Variants in JCAD observed in about 807,000 individuals in gnomAD.
JCAD encodes the protein junctional cadherin 5-associated protein.
Under a neutral mutation model 98.0 loss-of-function variants are expected in JCAD, and 40 were observed. That is an observed-to-expected ratio of 0.41 (90% CI 0.32 to 0.53). The LOEUF is 0.53. Among genes scored for constraint, JCAD ranks in the 20% least tolerant of loss-of-function variants. The pLI, the probability that JCAD is intolerant of heterozygous loss-of-function variation, is 0.31. For missense variants in JCAD, 1,705 were observed against 1,738.1 expected (o/e 0.98, Z 0.34); for synonymous variants, 691 against 682.3 (o/e 1.01, Z -0.20).
upstream of JCAD, chr10:30,059,674 G>A (rs1431059298): frequency 7.1e-6 from 1 of 140,968 alleles, no homozygotes; most frequent in African/African-American, 3.1e-5. The surrounding 1 kb of genome is among the most constrained non-coding windows in gnomAD (Gnocchi z 5.0). Context: ...GCGGTATCCA[G>A]GCCACGAGCT....
chr10:30,040,829 C>T (rs1282528569), intron 2 of JCAD, among the ~76,000 whole-genome samples: 3 of 152,072 alleles, frequency 2.0e-5, no homozygotes, highest in African/African-American at 4.8e-5. Flanking sequence ...GCGGCTGGAC[C>T]AGAAGACCCA....
chr10:30,085,774 C>G (rs771838757), intron 1 of JCAD, among the ~76,000 whole-genome samples: 1 of 152,184 alleles, frequency 6.6e-6, no homozygotes, highest in Non-Finnish European at 1.5e-5. Context: ...GACTTAGTTA[C>G]CTATTCTATT....
At chr10:30,019,894 G>A (rs1330952274) in intron 3 of JCAD, among the ~76,000 whole-genome samples, 3 of 149,544 alleles carry the variant, frequency 2.0e-5, no homozygotes, top group Non-Finnish European at 4.4e-5. Flanking sequence ...TTAAATATAT[G>A]CAATTTTTGT....
At chr10:30,109,872 G>C in intron 1 of JCAD, among the ~76,000 whole-genome samples, 1 of 151,608 alleles carries the variant, frequency 6.6e-6, no homozygotes, top group Non-Finnish European at 1.5e-5. Flanking sequence ...TTATGAACTA[G>C]CTGATCTAGA....
rs374182530 is a variant in JCAD at position 30,104,760 on chromosome 10, A to G, written n.128+10607T>C. ...GAAATTATTTGAAAATTAAAAACATATGCTTGTCAAAAGTTTTTTGTTTTT... is the reference window on the plus strand; with the variant it reads ...GAAATTATTTGAAAATTAAAAACATGTGCTTGTCAAAAGTTTTTTGTTTTT... On this transcript the variant is annotated intron_variant and non_coding_transcript_variant, in intron 1 of 2. Coordinates refer to the JCAD transcript ENST00000465712. Among the ~76,000 whole-genome samples the G allele has an allele frequency of 1.3e-4, 20 of 151,222 alleles. No homozygotes were observed. In the South Asian group the frequency reaches 3.9e-3, roughly 30 times the overall value.
At chr10:30,061,535 C>G (rs537579341), upstream of JCAD, among the ~76,000 whole-genome samples, 5 of 146,900 alleles carry the variant, frequency 3.4e-5, no homozygotes, top group South Asian at 2.1e-4. Flanking sequence ...GAGTGAGACT[C>G]TGTCTCAAGA....
At chr10:30,110,963 A>T (rs938773072) in intron 1 of JCAD, among the ~76,000 whole-genome samples, 1 of 152,024 alleles carries the variant, frequency 6.6e-6, no homozygotes, top group African/African-American at 2.4e-5. Context: ...GGACCCCCTG[A>T]TGTATGGACC....
At chr10:30,114,776 T>C (rs906579464) in intron 1 of JCAD, among the ~76,000 whole-genome samples, 4 of 151,772 alleles carry the variant, frequency 2.6e-5, no homozygotes, top group African/African-American at 4.8e-5. Flanking sequence ...GTTTAAAAAA[T>C]ATGAAAATAT....
Position 30,017,792 on chromosome 10 carries a change from C to G in JCAD, c.*91G>C. 2 of 1,196,722 alleles carry G rather than the reference C, an allele frequency of 1.7e-6. No individual in the cohort carries two copies. Among genetic ancestry groups the G allele is most frequent in the Non-Finnish European group, 2.5e-6 (2 of 803,726 alleles). The allele number at this position is 1,196,722 out of a possible 1,614,324, so 74.1% of individuals were successfully genotyped here. ...CTAAAAACTCAGCAGCTTCCAGCTT[C>G]TACATGGGGAAGTGGGGCTGATAGA... On this transcript the variant is annotated 3_prime_UTR_variant, in exon 4 of 4. Coordinates refer to ENST00000375377, the MANE Select transcript of JCAD (RefSeq NM_020848.4).
At chr10:30,036,052 T>C (rs1351814275) in intron 2 of JCAD, among the ~76,000 whole-genome samples, 1 of 152,202 alleles carries the variant, frequency 6.6e-6, no homozygotes, top group East Asian at 1.9e-4. Flanking sequence ...CAGCTAATTA[T>C]GAGAAAAATT....
intron 1 of JCAD, among the ~76,000 whole-genome samples, chr10:30,074,600 TG>T (rs1369918427): frequency 6.6e-6 from 1 of 152,096 alleles, no homozygotes; most frequent in Non-Finnish European, 1.5e-5. Flanking sequence ...GTGCTTTCAG[TG>T]TGGTAGGGCT....
At chr10:30,092,125 TAAA>T (rs775484783) in intron 1 of JCAD, among the ~76,000 whole-genome samples, 3 of 104,928 alleles carry the variant, frequency 2.9e-5, no homozygotes, top group Admixed American at 1.0e-4. Flanking sequence ...TATATATATA[TAAA>T]AAACATTTTA....
intron 2 of JCAD, 61 bp downstream of exon 2, chr10:30,047,471 A>C: frequency 6.5e-7 from 1 of 1,547,552 alleles, no homozygotes; most frequent in Non-Finnish European, 8.7e-7. Context: ...GTTTACCTAC[A>C]CATCACCCAC....
At chr10:30,056,794 A>G (rs1359739291) in intron 1 of JCAD, among the ~76,000 whole-genome samples, 16 of 152,206 alleles carry the variant, frequency 1.1e-4, no homozygotes, top group Admixed American at 1.0e-3. Flanking sequence ...CTTCAATTCA[A>G]ATCAAGATAA....
At position 30,029,710 on chromosome 10, in the gene JCAD, A is replaced by G; in HGVS notation, c.438T>C (p.Pro146=). 1 of 1,614,244 alleles carries G rather than the reference A, an allele frequency of 6.2e-7. No individual in the cohort carries two copies. The highest frequency in any genetic ancestry group is 2.2e-5 in the East Asian group (1 of 44,884). ...ARGMAQAHSL[P]VHVREGPWEV... ...CCCATGGACCCTCCCTCACGTGGAC[A>G]GGCAGGCTGTGGGCTTGGGCCATTC... is the stretch of plus-strand genomic sequence containing the variant. The change falls in exon 3 of 4, where the codon CCT becomes CCC. Residue 146 remains proline, a synonymous_variant. Coordinates refer to ENST00000375377, the MANE Select transcript of JCAD (RefSeq NM_020848.4).
rs1369682840 is a variant in JCAD, at chr10:30,026,739, C to T, written c.3409G>A (p.Val1137Ile). The change falls in exon 3 of 4, where the codon GTC (valine) becomes ATC (isoleucine). Residue 1137 changes from valine to isoleucine, a missense_variant. Around this residue, in one of 3 missense-constraint regions of JCAD, gnomAD observed 1,278 missense variants for 1,243.1 expected, o/e 1.03. Transcript: ENST00000375377. ...ELLSRPAPADVPRVSTDAFYG... is the reference protein window; with the variant it reads ...ELLSRPAPADIPRVSTDAFYG... ...AAGGCATCAGTGGACACCCTGGGGA[C>T]ATCTGCCGGTGCTGGGCGAGATAGC... 1 of 1,614,042 alleles carries T rather than the reference C, an allele frequency of 6.2e-7. No homozygotes were observed. Among genetic ancestry groups the T allele is most frequent in the African/African-American group, 1.3e-5 (1 of 74,946 alleles).
Position 30,035,198 on chromosome 10 carries a change from C to T in JCAD, c.282-5332G>A, listed in dbSNP as rs1589686183. 2.6e-5 allele frequency among the ~76,000 whole-genome samples: 4 copies of T among 152,330 alleles called. No homozygotes were observed. In the South Asian group the frequency reaches 8.3e-4, roughly 32 times the overall value. On this transcript the variant is annotated intron_variant, in intron 2 of 3. Transcript: ENST00000375377. ...CAAGAATACAAACAGCCTGTCACTT[C>T]CTACAGAGGGAGCGTGGTTGGTTTT...
intron 2 of JCAD, among the ~76,000 whole-genome samples, chr10:30,036,450 C>CA (rs60084989): frequency 0.013 from 1,544 of 119,156 alleles, 18 homozygotes; most frequent in African/African-American, 0.035. Flanking sequence ...GACTCCGTCT[C>CA]AAAAAAAAAA....
chr10:30,022,649 A>T (rs1672644339), intron 3 of JCAD, among the ~76,000 whole-genome samples: 1 of 152,208 alleles, frequency 6.6e-6, no homozygotes, highest in South Asian at 2.1e-4. Flanking sequence ...CCACCTGAGC[A>T]AAACAAATGT....
Sources: allele counts gnomAD v4.1 joint callset (sites outside exome capture counted in the v4.1 genomes callset), GRCh38; gene constraint gnomAD v4.1.1; regional missense constraint gnomAD v4.1.1; non-coding constraint Gnocchi (gnomAD v3.1); transcripts MANE v1.5; gene names NCBI Gene and HGNC (gene_info 2026-07-23, HGNC 2026-07-21).